Variants in GPLD1 observed in about 807,000 individuals in gnomAD.
The protein encoded by GPLD1 is glycosylphosphatidylinositol specific phospholipase D1, also known as phosphatidylinositol-glycan-specific phospholipase D.
In GPLD1, 84 loss-of-function variants were observed where a neutral mutation model predicts 112.6. The ratio of observed to expected loss-of-function variants is 0.75; its 90% confidence interval spans 0.63 to 0.89. The LOEUF (loss-of-function observed/expected upper bound fraction) is 0.89. GPLD1 is among the 40% of genes least tolerant of loss of function. The pLI, the probability that GPLD1 is intolerant of heterozygous loss-of-function variation, is 0.00. For missense variants in GPLD1, 1,044 were observed against 1,051.5 expected, an observed-to-expected ratio of 0.99 and a Z score of 0.10; for synonymous variants, 386 against 403.8, an observed-to-expected ratio of 0.96 and a Z score of 0.53.
At chr6:24,429,182 T>C in intron 24 of GPLD1, 64 bp from the exon 25 acceptor site, 2 of 991,304 alleles carry the variant, frequency 2.0e-6, no homozygotes, top group South Asian at 1.4e-5. Context: ...CCTATGGTAG[T>C]CCAGGCATCA....
upstream of GPLD1, chr6:24,495,261 A>T (rs1227495266): frequency 1.3e-6 from 2 of 1,530,594 alleles, no homozygotes; most frequent in African/African-American, 2.8e-5. Context: ...CGCTCTGGGC[A>T]TGGTAGCCGA....
At chr6:24,460,704 T>C (rs1028133936) in intron 11 of GPLD1, among the ~76,000 whole-genome samples, 2 of 151,970 alleles carry the variant, frequency 1.3e-5, no homozygotes, top group African/African-American at 4.8e-5. Flanking sequence ...GCAACAGGTA[T>C]CAGCTGGTGG....
upstream of GPLD1, among the ~76,000 whole-genome samples, chr6:24,494,331 T>G (rs1764632804): frequency 6.6e-6 from 1 of 152,194 alleles, no homozygotes; most frequent in African/African-American, 2.4e-5. Flanking sequence ...GCAACAGACT[T>G]GAGTTTGGAT....
rs1181163154 is a variant in GPLD1, at chr6:24,448,049, G to A, written c.1522-16C>T. The A allele has an allele frequency of 1.4e-5, 23 of 1,613,304 alleles. No homozygotes were observed. Among genetic ancestry groups the A allele is most frequent in the Non-Finnish European group, 1.9e-5 (23 of 1,179,830 alleles). On this transcript the variant is annotated splice_polypyrimidine_tract_variant and intron_variant, in intron 16 of 24. Coordinates refer to ENST00000230036, the MANE Select transcript of GPLD1 (RefSeq NM_001503.4). ...AGTAGATGTCCTTAAGAAGAAACCA[G>A]GAAAGCACATTTTACCCAGCCCTGG...
At chr6:24,468,407 C>T (rs1340265407) in intron 7 of GPLD1, among the ~76,000 whole-genome samples, 2 of 152,136 alleles carry the variant, frequency 1.3e-5, no homozygotes, top group Admixed American at 6.5e-5. Flanking sequence ...ATAAGTGACA[C>T]TATTACTGTA....
At chr6:24,457,885 C>G (rs957038652) in intron 12 of GPLD1, among the ~76,000 whole-genome samples, 2 of 149,946 alleles carry the variant, frequency 1.3e-5, no homozygotes, top group Non-Finnish European at 3.0e-5. Context: ...AAAAAAAAAA[C>G]GATATCCTCC....
At chr6:24,460,184 T>C in intron 12 of GPLD1, 95 bp downstream of exon 12, 1 of 1,448,646 alleles carries the variant, frequency 6.9e-7, no homozygotes, top group East Asian at 2.3e-5. Context: ...CACAGGTAAA[T>C]TTCAATGGAC....
intron 3 of GPLD1, 82 bp downstream of exon 3, chr6:24,479,797 CAT>C (rs3032260): frequency 0.46 from 346,103 of 750,122 alleles, 82,631 homozygotes; most frequent in African/African-American, 0.59. Context: ...ATTGTACACA[CAT>C]ATATATATAT....
At chr6:24,439,300 T>C (rs1762674490) in intron 20 of GPLD1, among the ~76,000 whole-genome samples, 1 of 146,628 alleles carries the variant, frequency 6.8e-6, no homozygotes, top group African/African-American at 2.5e-5. Context: ...AAGGTCTAGC[T>C]TTCGGAGCAA....
At chr6:24,475,654 C>T (rs1253077936) in intron 4 of GPLD1, among the ~76,000 whole-genome samples, 5 of 142,514 alleles carry the variant, frequency 3.5e-5, no homozygotes, top group East Asian at 2.1e-4. Context: ...ACCATCCTGG[C>T]TAACATGGTG....
intron 7 of GPLD1, among the ~76,000 whole-genome samples, chr6:24,468,170 T>A (rs1193333868): frequency 2.0e-5 from 3 of 151,964 alleles, no homozygotes; most frequent in Admixed American, 1.3e-4. Context: ...CCTCCCAAAG[T>A]GCTGGGATTA....
At chr6:24,488,725 ATT>A (rs1764465651) in intron 1 of GPLD1, among the ~76,000 whole-genome samples, 1 of 152,116 alleles carries the variant, frequency 6.6e-6, no homozygotes, top group African/African-American at 2.4e-5. Flanking sequence ...AATTTATACA[ATT>A]TTTGTCAATT....
At chr6:24,424,530 T>A (rs1041050963), downstream of GPLD1, 7 of 152,198 alleles carry the variant, frequency 4.6e-5, no homozygotes, top group African/African-American at 1.7e-4. Context: ...TCCTAAAACA[T>A]GAGGATGAAT....
chr6:24,462,848 A>T, intron 10 of GPLD1, 53 bp from the exon 11 acceptor site: 1 of 1,291,512 alleles, frequency 7.7e-7, no homozygotes, highest in Non-Finnish European at 1.1e-6. Flanking sequence ...CACAAGCATG[A>T]ATTTTACCGA....
chr6:24,488,243 T>TA (rs370921406), intron 1 of GPLD1, among the ~76,000 whole-genome samples: 42 of 150,168 alleles, frequency 2.8e-4, no homozygotes, highest in South Asian at 6.3e-4. Flanking sequence ...CCATCTCTAC[T>TA]AAAAAAAAAT....
chr6:24,441,808 C>T (rs898931354), intron 20 of GPLD1, among the ~76,000 whole-genome samples: 1 of 152,046 alleles, frequency 6.6e-6, no homozygotes, highest in African/African-American at 2.4e-5. Context: ...TAACAAGGGG[C>T]CCTGCATTTT....
At chr6:24,429,794 C>A (rs142713271) in intron 24 of GPLD1, among the ~76,000 whole-genome samples, 18,227 of 152,182 alleles carry the variant, frequency 0.12, 1,431 homozygotes, top group East Asian at 0.16. Context: ...GTGATCCACC[C>A]GCCTCGGCTT....
At chr6:24,433,158 C>T (rs1411827468) in intron 24 of GPLD1, 29 bp downstream of exon 24, 1 of 1,507,330 alleles carries the variant, frequency 6.6e-7, no homozygotes, top group Non-Finnish European at 9.2e-7. Context: ...CTAACATAAA[C>T]ATCAATGAAG....
intron 15 of GPLD1, among the ~76,000 whole-genome samples, chr6:24,449,191 G>A (rs1057223761): frequency 1.3e-5 from 2 of 152,104 alleles, no homozygotes; most frequent in Non-Finnish European, 2.9e-5. Flanking sequence ...TTCAGGACGT[G>A]ACAGACTGCT....
Sources: allele counts gnomAD v4.1 joint callset (sites outside exome capture counted in the v4.1 genomes callset), GRCh38; gene constraint gnomAD v4.1.1; transcripts MANE v1.5; gene names NCBI Gene and HGNC (gene_info 2026-07-23, HGNC 2026-07-21).